The following MDGA2 variants were observed in gnomAD, a reference collection of about 807,000 sequenced individuals.
MDGA2 encodes MAM domain-containing glycosylphosphatidylinositol anchor protein 2.
Under a neutral mutation model 117.8 loss-of-function variants are expected in MDGA2, and 40 were observed. The observed-to-expected ratio is 0.34, with a 90% confidence interval of 0.26 to 0.44. The LOEUF (loss-of-function observed/expected upper bound fraction) is 0.44, where lower values mean the gene tolerates loss of function less well. Among genes scored for constraint, MDGA2 ranks in the 20% least tolerant of loss-of-function variants. MDGA2 has a pLI of 1.00. For synonymous variants in MDGA2, 452 were observed against 439.0 expected (o/e 1.03, Z -0.37); for missense variants, 1,123 against 1,250.6 (o/e 0.90, Z 1.54).
At chr14:47,249,596 G>C (rs1370541961) in intron 2 of MDGA2, among the ~76,000 whole-genome samples, 2 of 152,160 alleles carry the variant, frequency 1.3e-5, no homozygotes, top group East Asian at 1.9e-4. Flanking sequence ...AGAGTGCTGG[G>C]ATTACAGGCA....
At chr14:47,595,262 T>C (rs986249770) in intron 1 of MDGA2, among the ~76,000 whole-genome samples, 4 of 151,540 alleles carry the variant, frequency 2.6e-5, no homozygotes, top group East Asian at 1.9e-4. Context: ...AAAACTGATA[T>C]ACTTTAAGAA....
intron 7 of MDGA2, among the ~76,000 whole-genome samples, chr14:47,038,884 A>T (rs1343785117): frequency 6.6e-6 from 1 of 151,366 alleles, no homozygotes; most frequent in Non-Finnish European, 1.5e-5. Context: ...CAGGAGGTGG[A>T]GGCTGCAGTG....
chr14:47,289,830 TCA>T (rs1029080436), intron 2 of MDGA2, among the ~76,000 whole-genome samples: 1 of 152,116 alleles, frequency 6.6e-6, no homozygotes, highest in Non-Finnish European at 1.5e-5. Context: ...TACATAGATT[TCA>T]CAGAGAGACA....
At chr14:47,605,699 C>T (rs746676094) in intron 1 of MDGA2, among the ~76,000 whole-genome samples, 15 of 152,056 alleles carry the variant, frequency 9.9e-5, no homozygotes, top group Non-Finnish European at 1.8e-4. Flanking sequence ...TTCTGAAGGA[C>T]GTTTGTGGAA....
At chr14:47,599,534 T>C (rs1896608452) in intron 1 of MDGA2, among the ~76,000 whole-genome samples, 1 of 152,150 alleles carries the variant, frequency 6.6e-6, no homozygotes, top group South Asian at 2.1e-4. Flanking sequence ...CCAATGAATT[T>C]GATCCCATAC....
At chr14:47,369,025 A>C (rs1193901885) in intron 1 of MDGA2, among the ~76,000 whole-genome samples, 1 of 152,178 alleles carries the variant, frequency 6.6e-6, no homozygotes, top group Non-Finnish European at 1.5e-5. Flanking sequence ...AAAATTACAA[A>C]ATAAATGTTA....
At chr14:47,491,933 A>G (rs1894178311) in intron 1 of MDGA2, among the ~76,000 whole-genome samples, 1 of 152,116 alleles carries the variant, frequency 6.6e-6, no homozygotes. Flanking sequence ...TCCTGGTAAT[A>G]CACACTTTTC....
At chr14:47,286,950 TTC>T (rs1175672755) in intron 2 of MDGA2, among the ~76,000 whole-genome samples, 5 of 151,508 alleles carry the variant, frequency 3.3e-5, no homozygotes, top group South Asian at 2.1e-4. Flanking sequence ...AATTTGATTA[TTC>T]TCTTTTATAA....
In MDGA2 at chr14:47,107,987, C is replaced by A. The variant is rs11846467; in HGVS notation, c.926-10864G>T. 4.0e-4 allele frequency among the ~76,000 whole-genome samples: 58 copies of A among 145,504 alleles called. 1 individual carries two copies. Among genetic ancestry groups the A allele is most frequent in the African/African-American group, 1.3e-3 (50 of 38,650 alleles). On this transcript the variant is annotated intron_variant, in intron 5 of 16. Transcript: ENST00000399232. ...ACCTCTATACAGTCTGATAACAGAC[C>A]AGCCTTTATTAGTCAAATCAGCCAA...
chr14:46,911,712 A>G lies in MDGA2; in HGVS notation c.2238+8300T>C, dbSNP rs534573377. Among the ~76,000 whole-genome samples the G allele has an allele frequency of 4.6e-5, 7 of 152,336 alleles. No individual in the cohort carries two copies. In the South Asian group the frequency reaches 1.4e-3, roughly 32 times the overall value. ...AGTTAATTTATATCTAAACAAGAGTAAAGATCCCATGGCATATTTCTGGTA... is the reference window on the plus strand; with the variant it reads ...AGTTAATTTATATCTAAACAAGAGTGAAGATCCCATGGCATATTTCTGGTA... On this transcript the variant is annotated intron_variant, in intron 10 of 16. Transcript: ENST00000399232.
At chr14:47,100,308 C>A (rs748659144) in intron 5 of MDGA2, among the ~76,000 whole-genome samples, 1 of 151,998 alleles carries the variant, frequency 6.6e-6, no homozygotes, top group Non-Finnish European at 1.5e-5. Context: ...AACTGCCCAA[C>A]CACCCTCATT....
At chr14:47,213,274 C>G (rs1020197558) in intron 3 of MDGA2, among the ~76,000 whole-genome samples, 1 of 152,102 alleles carries the variant, frequency 6.6e-6, no homozygotes, top group African/African-American at 2.4e-5. Flanking sequence ...GCCTTCTAGC[C>G]CCAGATTTCC....
chr14:47,370,332 G>T (rs1292547604), intron 1 of MDGA2, among the ~76,000 whole-genome samples: 1 of 150,722 alleles, frequency 6.6e-6, no homozygotes, highest in African/African-American at 2.4e-5. Flanking sequence ...AGCAGATTAA[G>T]AGAAAGAGAG....
chr14:47,521,449 CAAAT>C (rs1432815312), intron 1 of MDGA2, among the ~76,000 whole-genome samples: 1 of 151,950 alleles, frequency 6.6e-6, no homozygotes, highest in African/African-American at 2.4e-5. Flanking sequence ...AACAAACAAA[CAAAT>C]AAACAGAAAA....
At chr14:47,416,828 A>G (rs534096363) in intron 1 of MDGA2, among the ~76,000 whole-genome samples, 1 of 152,330 alleles carries the variant, frequency 6.6e-6, no homozygotes, top group African/African-American at 2.4e-5. Context: ...GCACTATGCC[A>G]GAGTACAGTG....
chr14:47,260,842 T>C (rs1304474372), intron 2 of MDGA2, among the ~76,000 whole-genome samples: 2 of 152,034 alleles, frequency 1.3e-5, no homozygotes, highest in African/African-American at 4.8e-5. Flanking sequence ...ACATAGTACG[T>C]TGTACTATGG....
intron 1 of MDGA2, among the ~76,000 whole-genome samples, chr14:47,439,369 T>A (rs1594857197): frequency 6.6e-6 from 1 of 152,134 alleles, no homozygotes; most frequent in East Asian, 1.9e-4. Context: ...CCTAAATGAG[T>A]TAATGGAATA....
At chr14:46,898,748 T>G (rs1883176315) in intron 10 of MDGA2, among the ~76,000 whole-genome samples, 1 of 152,056 alleles carries the variant, frequency 6.6e-6, no homozygotes, top group Admixed American at 6.6e-5. Context: ...ACTACAAGAC[T>G]GGATAGGACA....
intron 1 of MDGA2, among the ~76,000 whole-genome samples, chr14:47,507,178 T>C (rs1166119871): frequency 6.6e-6 from 1 of 152,052 alleles, no homozygotes; most frequent in East Asian, 1.9e-4. Context: ...GAGAGATAAA[T>C]TGCAGAGAAT....
Sources: allele counts gnomAD v4.1 joint callset (sites outside exome capture counted in the v4.1 genomes callset), GRCh38; gene constraint gnomAD v4.1.1; transcripts MANE v1.5; gene names NCBI Gene and HGNC (gene_info 2026-07-23, HGNC 2026-07-21).